The following ZNF423 variants were observed in gnomAD, a reference collection of about 807,000 sequenced individuals.
ZNF423 encodes the protein zinc finger protein 423.
ZNF423 carries 12 observed loss-of-function variants against 95.8 expected under a neutral mutation model. The ratio of observed to expected loss-of-function variants is 0.13; its 90% confidence interval spans 0.08 to 0.20. ZNF423 has a LOEUF of 0.20. Ranked by LOEUF, ZNF423 falls within the 10% of genes least tolerant of loss-of-function variation. The pLI is 1.00. For synonymous variants in ZNF423, 749 were observed against 711.9 expected, an observed-to-expected ratio of 1.05 and a Z score of -0.83; for missense variants, 1,316 against 1,737.1, an observed-to-expected ratio of 0.76 and a Z score of 4.31.
intron 1 of ZNF423, among the ~76,000 whole-genome samples, chr16:49,837,337 C>T (rs1033834620): frequency 6.6e-6 from 1 of 152,172 alleles, no homozygotes; most frequent in Non-Finnish European, 1.5e-5. Context: ...CTTTCCTCAA[C>T]TGGCAAATGA....
At chr16:49,722,953 A>AT (rs10533611) in intron 3 of ZNF423, among the ~76,000 whole-genome samples, 7,546 of 130,888 alleles carry the variant, frequency 0.058, 265 homozygotes, top group Middle Eastern at 0.14. Context: ...CGGGGTTCTA[A>AT]TTTTTTTTTT....
intron 2 of ZNF423, among the ~76,000 whole-genome samples, chr16:49,747,238 A>G (rs1200663242): frequency 2.0e-5 from 3 of 152,202 alleles, no homozygotes; most frequent in African/African-American, 7.2e-5. Flanking sequence ...ACATTTACAG[A>G]GTGGACACCA....
At chr16:49,545,768 T>C (rs1281031292) in intron 5 of ZNF423, among the ~76,000 whole-genome samples, 2 of 152,214 alleles carry the variant, frequency 1.3e-5, no homozygotes. Flanking sequence ...CTCGCTGAGT[T>C]AATAAAGATT....
At chr16:49,789,677 G>T (rs566077712) in intron 1 of ZNF423, 131 bp from the exon 2 acceptor site, 145 of 791,974 alleles carry the variant, frequency 1.8e-4, no homozygotes, top group Admixed American at 6.0e-4. Flanking sequence ...GGGAGAGGGG[G>T]CAAAGCCTAC....
intron 1 of ZNF423, among the ~76,000 whole-genome samples, chr16:49,817,907 T>C (rs754451943): frequency 2.5e-4 from 38 of 151,988 alleles, no homozygotes; most frequent in Non-Finnish European, 5.1e-4. Context: ...ACAGCTGCAG[T>C]ACCAGGCCTC....
chr16:49,824,343 G>A (rs567305797), intron 1 of ZNF423, among the ~76,000 whole-genome samples: 235 of 152,262 alleles, frequency 1.5e-3, no homozygotes, highest in Middle Eastern at 6.8e-3. Context: ...CAGAGAGTAA[G>A]GTACAGGCCC....
At chr16:49,710,249 C>G (rs2032500674) in intron 3 of ZNF423, among the ~76,000 whole-genome samples, 1 of 152,154 alleles carries the variant, frequency 6.6e-6, no homozygotes, top group Non-Finnish European at 1.5e-5. Flanking sequence ...CCTAAAACAC[C>G]TCAGCTCTCA....
intron 5 of ZNF423, among the ~76,000 whole-genome samples, chr16:49,557,155 G>A (rs1388090930): frequency 6.6e-6 from 1 of 152,218 alleles, no homozygotes; most frequent in Non-Finnish European, 1.5e-5. Context: ...GAGTGACCAG[G>A]GCGTGCAGGG....
Position 49,490,019 on chromosome 16 carries a change from T to C in ZNF423, c.*1256A>G, listed in dbSNP as rs1966901564. On this transcript the variant is annotated 3_prime_UTR_variant, in exon 8 of 8. Coordinates refer to ENST00000563137, the MANE Select transcript of ZNF423 (RefSeq NM_001379286.1). ...TGAGAGCGAGTGCCCCCTGAAATAA[T>C]GTACCCCAGGCCCCTGCCTGCCTCA... The C allele has an allele frequency of 6.6e-6, 1 of 152,256 alleles. No individual in the cohort carries two copies. Among genetic ancestry groups the C allele is most frequent in the Non-Finnish European group, 1.5e-5 (1 of 68,112 alleles). 9.4% of individuals were successfully genotyped at this position (152,256 alleles called of 1,614,324 possible). A position where few individuals can be genotyped will look rare whatever the true frequency, so the allele number is the denominator to read the frequency against.
intron 3 of ZNF423, among the ~76,000 whole-genome samples, chr16:49,682,428 G>A (rs2031401886): frequency 6.6e-6 from 1 of 152,214 alleles, no homozygotes; most frequent in African/African-American, 2.4e-5. Flanking sequence ...GAGAGCCAAG[G>A]GATGCCAGAT....
intron 5 of ZNF423, among the ~76,000 whole-genome samples, chr16:49,607,354 T>A (rs1367126574): frequency 1.3e-5 from 2 of 152,196 alleles, no homozygotes; most frequent in Non-Finnish European, 2.9e-5. Context: ...GGACCTCAAC[T>A]TCAGCATCTT....
At chr16:49,703,194 C>T (rs1026901266) in intron 3 of ZNF423, among the ~76,000 whole-genome samples, 11 of 152,176 alleles carry the variant, frequency 7.2e-5, no homozygotes, top group Admixed American at 3.3e-4. Flanking sequence ...GTGTCATGGC[C>T]GCTGGAACAC....
At chr16:49,642,012 T>C (rs1029051657) in intron 3 of ZNF423, among the ~76,000 whole-genome samples, 31 of 152,230 alleles carry the variant, frequency 2.0e-4, no homozygotes, top group African/African-American at 7.5e-4. Context: ...AAATTATACT[T>C]CAATAAAGTT....
intron 2 of ZNF423, among the ~76,000 whole-genome samples, chr16:49,788,879 G>T (rs1308079121): frequency 2.0e-4 from 30 of 152,228 alleles, no homozygotes; most frequent in Admixed American, 1.8e-3. Flanking sequence ...GTACTCATGG[G>T]AAGGCTCCAA....
chr16:49,532,741 T>A (rs998634287), intron 5 of ZNF423, among the ~76,000 whole-genome samples: 2 of 152,210 alleles, frequency 1.3e-5, no homozygotes, highest in South Asian at 2.1e-4. Context: ...ACCCTTATCT[T>A]TTTTTGATCT....
chr16:49,546,557 G>A (rs979129683), intron 5 of ZNF423, among the ~76,000 whole-genome samples: 1 of 152,170 alleles, frequency 6.6e-6, no homozygotes, highest in Admixed American at 6.5e-5. Context: ...AAAGGGATGA[G>A]CATGTGAGAC....
intron 5 of ZNF423, among the ~76,000 whole-genome samples, chr16:49,586,781 G>A (rs990023225): frequency 6.6e-5 from 10 of 152,122 alleles, no homozygotes; most frequent in African/African-American, 2.4e-4. Flanking sequence ...TTCCAACTCC[G>A]AACCAGGGAG....
chr16:49,834,978 AG>A (rs1215496785), intron 1 of ZNF423, among the ~76,000 whole-genome samples: 1 of 151,580 alleles, frequency 6.6e-6, no homozygotes, highest in Non-Finnish European at 1.5e-5. Flanking sequence ...CCATGTGTGC[AG>A]TGCGCCTTGG....
chr16:49,519,067 AAAAAC>A (rs1226238058), intron 7 of ZNF423, among the ~76,000 whole-genome samples: 1 of 152,190 alleles, frequency 6.6e-6, no homozygotes, highest in Non-Finnish European at 1.5e-5. Context: ...CTGTCACTTA[AAAAAC>A]AAAACAAGAT....
Sources: allele counts gnomAD v4.1 joint callset (sites outside exome capture counted in the v4.1 genomes callset), GRCh38; gene constraint gnomAD v4.1.1; transcripts MANE v1.5; gene names NCBI Gene and HGNC (gene_info 2026-07-23, HGNC 2026-07-21).